RNF216: variants seen among roughly 807,000 people sequenced by gnomAD.
RNF216 encodes the protein E3 ubiquitin-protein ligase RNF216.
In RNF216, 72 loss-of-function variants were observed where a neutral mutation model predicts 110.8. The observed-to-expected ratio is 0.65, with a 90% CI of 0.54 to 0.79. The LOEUF (loss-of-function observed/expected upper bound fraction) is 0.79, where lower values mean the gene tolerates loss of function less well. Among genes scored for constraint, RNF216 ranks in the 30% least tolerant of loss-of-function variants. RNF216 has a pLI of 0.00. For synonymous variants in RNF216, 495 were observed against 407.5 expected (o/e 1.21, Z -2.59); for missense variants, 1,342 against 1,141.2 (o/e 1.18, Z -2.54).
chr7:5,687,750 A>G (rs750546821), intron 13 of RNF216, among the ~76,000 whole-genome samples: 4 of 152,234 alleles, frequency 2.6e-5, no homozygotes, highest in Non-Finnish European at 4.4e-5. Flanking sequence ...GAAGGAGAAG[A>G]TAAGTGAATC....
chr7:5,756,655 C>CT (rs1283063391), intron 2 of RNF216, among the ~76,000 whole-genome samples: 1 of 152,172 alleles, frequency 6.6e-6, no homozygotes, highest in Non-Finnish European at 1.5e-5. Context: ...GGGTCGCTCT[C>CT]TGTTGCCCAG....
At chr7:5,666,477 G>A (rs996910937) in intron 13 of RNF216, 4 of 152,442 alleles carry the variant, frequency 2.6e-5, no homozygotes, top group African/African-American at 9.7e-5. Flanking sequence ...GGAGGAGCAG[G>A]GTGGGCAGAG....
chr7:5,766,467 G>A (rs1796214444), intron 1 of RNF216, among the ~76,000 whole-genome samples: 1 of 151,740 alleles, frequency 6.6e-6, no homozygotes, highest in African/African-American at 2.4e-5. Context: ...CATGGAGGTT[G>A]GGCCCTCATG....
intron 3 of RNF216, among the ~76,000 whole-genome samples, chr7:5,752,353 G>A (rs1288672632): frequency 6.6e-6 from 1 of 152,034 alleles, no homozygotes; most frequent in Non-Finnish European, 1.5e-5. Context: ...TATATGAAAA[G>A]ACAAAATTTG....
chr7:5,687,345 G>C (rs149319048), intron 13 of RNF216, among the ~76,000 whole-genome samples: 86 of 139,400 alleles, frequency 6.2e-4, no homozygotes, highest in African/African-American at 2.3e-3. Flanking sequence ...GCAGTGAGCT[G>C]AGACTGCGTC....
At chr7:5,777,334 T>A (rs921279704) in intron 1 of RNF216, among the ~76,000 whole-genome samples, 2 of 152,200 alleles carry the variant, frequency 1.3e-5, no homozygotes, top group Non-Finnish European at 1.5e-5. Context: ...TTGTTATACA[T>A]CAACAGATAA....
At chr7:5,727,109 C>T (rs1359889025) in intron 7 of RNF216, among the ~76,000 whole-genome samples, 2 of 152,132 alleles carry the variant, frequency 1.3e-5, no homozygotes, top group Non-Finnish European at 2.9e-5. Context: ...CCAGTCTGGG[C>T]AGCAATGAGA....
intron 7 of RNF216, among the ~76,000 whole-genome samples, chr7:5,728,691 G>C (rs1413938092): frequency 6.6e-6 from 1 of 152,190 alleles, no homozygotes; most frequent in African/African-American, 2.4e-5. Flanking sequence ...GACCCAATGA[G>C]TATTTTAACC....
intron 9 of RNF216, among the ~76,000 whole-genome samples, chr7:5,717,328 G>A (rs6957559): frequency 0.028 from 4,290 of 152,182 alleles, 220 homozygotes; most frequent in African/African-American, 0.098. Flanking sequence ...ACTCTAGCCC[G>A]GGCAACAAGA....
rs746215892 is a variant in RNF216, at chr7:5,624,249, A to T, written c.2383-124T>A. ...ACAAGCCCGAAGCCTGCTGCTGGCC[A>T]GTGGGGCCTGGGCTGCACACCGTTC... On this transcript the variant is annotated intron_variant, in intron 15 of 16. Transcript: ENST00000389902. The surrounding 1 kb of genome is among the most constrained non-coding windows in gnomAD (Gnocchi z 4.4). 2.7e-6 allele frequency: 2 copies of T among 746,544 alleles called. No individual in the cohort carries two copies. The highest frequency in any genetic ancestry group is 4.5e-6 in the Non-Finnish European group (2 of 446,678). 46.2% of individuals were successfully genotyped at this position (746,544 alleles called of 1,614,324 possible).
At chr7:5,662,951 G>C (rs770366507) in intron 13 of RNF216, among the ~76,000 whole-genome samples, 1 of 152,048 alleles carries the variant, frequency 6.6e-6, no homozygotes. Flanking sequence ...AGGACAGAGC[G>C]CTCAGAGAAT....
At chr7:5,657,679 C>T (rs1299424172) in intron 13 of RNF216, among the ~76,000 whole-genome samples, 2 of 152,140 alleles carry the variant, frequency 1.3e-5, no homozygotes, top group African/African-American at 2.4e-5. Context: ...ACCACAGGAC[C>T]GTGGGCTTCC....
chr7:5,779,914 ACT>A (rs904740406), intron 1 of RNF216: 6 of 151,674 alleles, frequency 4.0e-5, no homozygotes, highest in African/African-American at 1.5e-4. Context: ...CTAAAACGCC[ACT>A]GTTTCCGAGG....
intron 11 of RNF216, 83 bp from the exon 12 acceptor site, chr7:5,712,946 A>T: frequency 2.4e-6 from 3 of 1,233,002 alleles, no homozygotes; most frequent in Non-Finnish European, 3.4e-6. Flanking sequence ...AAAAACATAG[A>T]TCCTGAGACA....
chr7:5,692,206 A>T (rs1291771673), intron 13 of RNF216, among the ~76,000 whole-genome samples: 1 of 152,166 alleles, frequency 6.6e-6, no homozygotes, highest in Non-Finnish European at 1.5e-5. Flanking sequence ...CCAAATGGGA[A>T]TTTTTTAGTT....
intron 15 of RNF216, among the ~76,000 whole-genome samples, chr7:5,629,141 G>C (rs2128558039): frequency 6.6e-6 from 1 of 150,496 alleles, no homozygotes; most frequent in Non-Finnish European, 1.5e-5. Flanking sequence ...ATTGCAATGA[G>C]CAGAGATGGC....
rs565971031 is a variant in RNF216 at position 5,756,066 on chromosome 7, A to G, written c.68-3087T>C. ...CACAAGTCACGAGCGGGACAGGTGG[A>G]GGTAATCGGATCATGGGGGCAGTTT... On this transcript the variant is annotated intron_variant, in intron 2 of 16. Transcript: ENST00000389902. Among the ~76,000 whole-genome samples, 4 of 152,164 alleles carry G rather than the reference A, an allele frequency of 2.6e-5. No individual in the cohort carries two copies. In the East Asian group the frequency reaches 7.7e-4, roughly 29 times the overall value.
chr7:5,638,139 C>T (rs1787510490), intron 15 of RNF216, among the ~76,000 whole-genome samples: 2 of 152,194 alleles, frequency 1.3e-5, no homozygotes, highest in South Asian at 4.1e-4. Context: ...CCACCTGCCC[C>T]TGTGGTAACT....
intron 13 of RNF216, among the ~76,000 whole-genome samples, chr7:5,655,294 G>C (rs988406336): frequency 2.6e-5 from 4 of 152,160 alleles, no homozygotes; most frequent in Admixed American, 1.3e-4. Context: ...GCTTCTTACT[G>C]AAGGGCCCGA....
Sources: allele counts gnomAD v4.1 joint callset (sites outside exome capture counted in the v4.1 genomes callset), GRCh38; gene constraint gnomAD v4.1.1; non-coding constraint Gnocchi (gnomAD v3.1); transcripts MANE v1.5; gene names NCBI Gene and HGNC (gene_info 2026-07-23, HGNC 2026-07-21).